Variants in HSPG2 observed in about 807,000 individuals in gnomAD.
HSPG2 encodes the protein basement membrane-specific heparan sulfate proteoglycan core protein.
A neutral mutation model predicts 526.6 loss-of-function variants in HSPG2; 278 were observed. That is an observed-to-expected ratio of 0.53 (90% CI 0.48 to 0.58). The LOEUF (loss-of-function observed/expected upper bound fraction) is 0.58. Among genes scored for constraint, HSPG2 ranks in the 20% least tolerant of loss-of-function variants. The probability of loss-of-function intolerance (pLI) is 0.00; values close to 1 mark genes in which losing one functional copy is unlikely to be tolerated. For missense variants in HSPG2, 5,354 were observed against 6,099.5 expected (o/e 0.88, Z 4.07); for synonymous variants, 2,465 against 2,555.4 (o/e 0.96, Z 1.07).
intron 6 of HSPG2, 55 bp downstream of exon 6, chr1:21,889,926 A>C: frequency 1.2e-6 from 2 of 1,601,158 alleles, no homozygotes; most frequent in South Asian, 1.1e-5. Context: ...AGAGACACTG[A>C]AAGGGGACCC....
In HSPG2 at chr1:21,846,519, C is replaced by G; in HGVS notation, c.8245G>C (p.Val2749Leu). The change falls in exon 63 of 97, where the codon GTG (valine) becomes CTG (leucine). Residue 2749 changes from valine to leucine, a missense_variant. By Grantham distance (32) the Val-to-Leu change is conservative. Transcript: ENST00000374695. Reference sequence around the variant, plus strand: ...TGGGCATGGGCCTGCCCGGGGACCACGCAGTTCAGATCCAGGGTCTCCCCT... The same window carrying G: ...TGGGCATGGGCCTGCCCGGGGACCAGGCAGTTCAGATCCAGGGTCTCCCCT... The part of the protein sequence containing the change: ...AEGETLDLNC[V>L]VPGQAHAQVT... The G allele has an allele frequency of 6.2e-7, 1 of 1,613,748 alleles. No homozygotes were observed. Among genetic ancestry groups the G allele is most frequent in the Non-Finnish European group, 8.5e-7 (1 of 1,180,026 alleles).
chr1:21,839,644 G>T lies in HSPG2; in HGVS notation c.9710-94C>A. On this transcript the variant is annotated intron_variant, in intron 72 of 96. Coordinates refer to ENST00000374695, the MANE Select transcript of HSPG2 (RefSeq NM_005529.7). This position sits in a 1 kb window ranked among gnomAD's most constrained non-coding sequence, Gnocchi z 4.5. ...GTGAGGAAGGGCCCTGGGTGATCCT[G>T]TCCCTCTATGGGGACCCCAGTTGGG... The T allele has an allele frequency of 6.8e-7, 1 of 1,477,524 alleles. No homozygotes were observed. Among genetic ancestry groups the T allele is most frequent in the Non-Finnish European group, 9.3e-7 (1 of 1,076,406 alleles). The allele number at this position is 1,477,524 out of a possible 1,614,324, so 91.5% of individuals were successfully genotyped here. A position where few individuals can be genotyped will look rare whatever the true frequency, so the allele number is the denominator to read the frequency against.
chr1:21,853,761 T>C (rs748834607), intron 50 of HSPG2: 34 of 117,208 alleles, frequency 2.9e-4, no homozygotes, highest in Admixed American at 1.8e-4. Context: ...AAAAATAAAA[T>C]AAAATAAAAT....
At position 21,890,489 on chromosome 1, in the gene HSPG2, G is replaced by C; in HGVS notation, c.355-4C>G. 1 of 1,613,956 alleles carries C rather than the reference G, an allele frequency of 6.2e-7. No individual in the cohort carries two copies. The highest frequency in any genetic ancestry group is 8.5e-7 in the Non-Finnish European group (1 of 1,179,984). Reference sequence around the variant, plus strand: ...TTTTCAAGTACTCCGACTCCAGCTGGGGAGGGACACAGTGCCATCAGCCCC... The same window carrying C: ...TTTTCAAGTACTCCGACTCCAGCTGCGGAGGGACACAGTGCCATCAGCCCC... On this transcript the variant is annotated splice_polypyrimidine_tract_variant and splice_region_variant and intron_variant, in intron 4 of 96. Coordinates refer to ENST00000374695, the MANE Select transcript of HSPG2 (RefSeq NM_005529.7). The surrounding 1 kb of genome is among the most constrained non-coding windows in gnomAD (Gnocchi z 4.1).
intron 6 of HSPG2, among the ~76,000 whole-genome samples, chr1:21,889,026 G>A (rs1005314325): frequency 1.6e-4 from 25 of 152,146 alleles, no homozygotes; most frequent in Non-Finnish European, 2.6e-4. Flanking sequence ...CCTGGGCTCC[G>A]GTGATCCTCC....
In HSPG2 at chr1:21,876,289, G is replaced by A. The variant is rs939908633; in HGVS notation, c.2943C>T (p.Phe981=). The part of the protein sequence containing the change: ...PTPGELGFSS[F]HRLLSGPYFW... Reference sequence around the variant, plus strand: ...AGTAGGGTCCAGATAAGAGTCTGTGGAAGGAGGAGAATCCCAGTTCCCCGG... The same window carrying A: ...AGTAGGGTCCAGATAAGAGTCTGTGAAAGGAGGAGAATCCCAGTTCCCCGG... Residue 981 remains phenylalanine (F), a synonymous_variant, in exon 23 of 97, where the codon TTC becomes TTT. Transcript: ENST00000374695. The A allele has an allele frequency of 1.2e-6, 2 of 1,614,052 alleles. No individual in the cohort carries two copies. Among genetic ancestry groups the A allele is most frequent in the African/African-American group, 1.3e-5 (1 of 75,052 alleles).
chr1:21,909,842 G>A (rs1643570011), intron 1 of HSPG2, among the ~76,000 whole-genome samples: 1 of 152,234 alleles, frequency 6.6e-6, no homozygotes. Flanking sequence ...CCCACCTACA[G>A]GAGGGCCCAG....
At position 21,859,388 on chromosome 1, in the gene HSPG2, G is replaced by A. The variant is rs1443527998; in HGVS notation, c.5293+178C>T. 6.6e-6 allele frequency among the ~76,000 whole-genome samples: 1 copy of A among 152,100 alleles called. No homozygotes were observed. Among genetic ancestry groups the A allele is most frequent in the Non-Finnish European group, 1.5e-5 (1 of 68,018 alleles). On this transcript the variant is annotated intron_variant, in intron 42 of 96. Transcript: ENST00000374695. This position sits in a 1 kb window ranked among gnomAD's most constrained non-coding sequence, Gnocchi z 5.3. ...CCTCACCGACCAGTCAAGTCCTGCT[G>A]ATCCTACCTCTAAAATGAGTCTTGA...
At position 21,875,958 on chromosome 1, in the gene HSPG2, C is replaced by T. The variant is rs779427446; in HGVS notation, c.3088G>A (p.Val1030Met). 1.2e-6 allele frequency: 2 copies of T among 1,614,180 alleles called. No individual in the cohort carries two copies. The highest frequency in any genetic ancestry group is 1.7e-6 in the Non-Finnish European group (2 of 1,180,016). ...ATGATGTTGTTACCTTGCAGCACCA[C>T]CAACGGCTGCCCGTGCAGGGGTGTG... ...GSTPLHGQPL[V>M]VLQGNNIILE... The change falls in exon 24 of 97, where the codon GTG (valine) becomes ATG (methionine). Residue 1030 changes from valine (V) to methionine (M), a missense_variant. Val to Met is a conservative substitution (Grantham distance 21). Coordinates refer to ENST00000374695, the MANE Select transcript of HSPG2 (RefSeq NM_005529.7).
rs369434104 is a variant in HSPG2 at position 21,839,560 on chromosome 1, C to T, written c.9710-10G>A. On this transcript the variant is annotated splice_polypyrimidine_tract_variant and intron_variant, in intron 72 of 96. Coordinates refer to ENST00000374695, the MANE Select transcript of HSPG2 (RefSeq NM_005529.7). This position sits in a 1 kb window ranked among gnomAD's most constrained non-coding sequence, Gnocchi z 4.5. Reference sequence around the variant, plus strand: ...GTGGGCGCGGGGCTGCCTGTGGAGTCGAGTGGAAGATGACAGAAGTCACTG... The same window carrying T: ...GTGGGCGCGGGGCTGCCTGTGGAGTTGAGTGGAAGATGACAGAAGTCACTG... 4.0e-4 allele frequency: 638 copies of T among 1,613,442 alleles called. No homozygotes were observed. Among genetic ancestry groups the T allele is most frequent in the Non-Finnish European group, 5.1e-4 (596 of 1,179,814 alleles).
Position 21,855,450 on chromosome 1 carries a change from C to T in HSPG2, c.5855-4G>A, listed in dbSNP as rs1239386642. On this transcript the variant is annotated splice_polypyrimidine_tract_variant and splice_region_variant and intron_variant, in intron 46 of 96. Coordinates refer to ENST00000374695, the MANE Select transcript of HSPG2 (RefSeq NM_005529.7). ...TGGACTCTGGGCCCACCGCCCCCTGCAGACAGAGTCCTGTGAGAACACGCC... is the reference window on the plus strand; with the variant it reads ...TGGACTCTGGGCCCACCGCCCCCTGTAGACAGAGTCCTGTGAGAACACGCC... 3.1e-6 allele frequency: 5 copies of T among 1,612,980 alleles called. No individual in the cohort carries two copies. Among genetic ancestry groups the T allele is most frequent in the Non-Finnish European group, 4.2e-6 (5 of 1,179,880 alleles).
chr1:21,885,304 C>G lies in HSPG2; in HGVS notation c.1210+16G>C. 2 of 1,613,930 alleles carry G rather than the reference C, an allele frequency of 1.2e-6. No individual in the cohort carries two copies. The highest frequency in any genetic ancestry group is 2.2e-5 in the South Asian group (2 of 91,072). ...CCAGCCCAGGGCCCGCATCTCGACC[C>G]CAGCTCCCTGCTCACTGCAGCCAAA... On this transcript the variant is annotated intron_variant, in intron 10 of 96. Transcript: ENST00000374695.
At position 21,857,246 on chromosome 1, in the gene HSPG2, A is replaced by G. The variant is rs2305562; in HGVS notation, c.5394+39T>C. ...ATGGGTGGGGCTCAGAGACCCCAGAAGACAGACTTCCTCCATCCCCACTCC... is the reference window on the plus strand; with the variant it reads ...ATGGGTGGGGCTCAGAGACCCCAGAGGACAGACTTCCTCCATCCCCACTCC... On this transcript the variant is annotated intron_variant, in intron 43 of 96. Transcript: ENST00000374695. 842,114 of 1,613,468 alleles carry G rather than the reference A, an allele frequency of 0.52. 221,812 individuals carry two copies. Among genetic ancestry groups the G allele is most frequent in the Middle Eastern group, 0.59 (3,571 of 6,062 alleles).
chr1:21,845,882 A>G (rs547908507), intron 64 of HSPG2, among the ~76,000 whole-genome samples: 11 of 152,252 alleles, frequency 7.2e-5, no homozygotes, highest in Non-Finnish European at 1.6e-4. Flanking sequence ...ACAGATGAGC[A>G]TAGTCCAAAG....
Position 21,824,433 on chromosome 1 carries a change from AG to A in HSPG2, c.12745-58del. The A allele has an allele frequency of 1.3e-5, 21 of 1,604,928 alleles. No homozygotes were observed. The highest frequency in any genetic ancestry group is 1.8e-5 in the Non-Finnish European group (21 of 1,173,048). ...CCAGCCTGGAGAGCAGAGGCTGCCGAGGCCAGGGGGCTCTGCTTTCCCCTCC... is the reference window on the plus strand; with the variant it reads ...CCAGCCTGGAGAGCAGAGGCTGCCGAGCCAGGGGGCTCTGCTTTCCCCTCC... On this transcript the variant is annotated intron_variant, in intron 93 of 96. Transcript: ENST00000374695. The surrounding 1 kb of genome is among the most constrained non-coding windows in gnomAD (Gnocchi z 5.9).
Position 21,839,824 on chromosome 1 carries a change from G to T in HSPG2, c.9707C>A (p.Thr3236Lys), listed in dbSNP as rs999533372. ...GHTATLRCSA[T>K]GSPAPTIHWS... ...TATGTGCCAGCCCTTGGTCACACCT[G>T]TGGCTGAGCAGCGCAAGGTGGCCGT... Residue 3236 changes from threonine (T) to lysine (K), a missense_variant and splice_region_variant, in exon 72 of 97, where the codon ACA (threonine) becomes AAA (lysine). Physicochemically the swap from Thr to Lys is moderately conservative, Grantham distance 78. Transcript: ENST00000374695. The surrounding 1 kb of genome is among the most constrained non-coding windows in gnomAD (Gnocchi z 4.5). 2 of 1,613,282 alleles carry T rather than the reference G, an allele frequency of 1.2e-6. No individual in the cohort carries two copies. The highest frequency in any genetic ancestry group is 2.7e-5 in the African/African-American group (2 of 74,918).
At chr1:21,879,539 C>G (rs566392660) in intron 17 of HSPG2, among the ~76,000 whole-genome samples, 1 of 152,338 alleles carries the variant, frequency 6.6e-6, no homozygotes, top group African/African-American at 2.4e-5. Flanking sequence ...AAGGGCTCTT[C>G]CCCCTAGAGT....
Position 21,848,242 on chromosome 1 carries a change from C to A in HSPG2, c.7738-149G>T. The A allele has an allele frequency of 1.0e-6, 1 of 978,330 alleles. No homozygotes were observed. The allele number at this position is 978,330 out of a possible 1,614,324, so 60.6% of individuals were successfully genotyped here. A position where few individuals can be genotyped will look rare whatever the true frequency, so the allele number is the denominator to read the frequency against. Reference sequence around the variant, plus strand: ...GTGAAGCTCCCAGCATGGCATGTGGCCTGTCTCTGGGCTGGGGTGGACGTC... The same window carrying A: ...GTGAAGCTCCCAGCATGGCATGTGGACTGTCTCTGGGCTGGGGTGGACGTC... On this transcript the variant is annotated intron_variant, in intron 59 of 96. Transcript: ENST00000374695. The surrounding 1 kb of genome is among the most constrained non-coding windows in gnomAD (Gnocchi z 4.9).
rs1223873961 is a variant in HSPG2, at chr1:21,876,693, G to C, written c.2686-41C>G. On this transcript the variant is annotated intron_variant, in intron 21 of 96. Coordinates refer to ENST00000374695, the MANE Select transcript of HSPG2 (RefSeq NM_005529.7). ...TGGAGCTGAAGGACAGCCCATGGGA[G>C]AGGCTGCCTGGAGCTCTGGCCGAAT... 3 of 1,613,632 alleles carry C rather than the reference G, an allele frequency of 1.9e-6. No individual in the cohort carries two copies. The South Asian group carries it at 3.3e-5, about 18-fold the overall frequency.
Sources: allele counts gnomAD v4.1 joint callset (sites outside exome capture counted in the v4.1 genomes callset), GRCh38; gene constraint gnomAD v4.1.1; non-coding constraint Gnocchi (gnomAD v3.1); transcripts MANE v1.5; gene names NCBI Gene and HGNC (gene_info 2026-07-23, HGNC 2026-07-21).